The following DNMT3B variants were observed in gnomAD, a reference collection of about 807,000 sequenced individuals.
DNMT3B encodes DNA methyltransferase 3 beta, also known as DNA (cytosine-5)-methyltransferase 3B.
DNMT3B carries 37 observed loss-of-function variants against 120.2 expected under a neutral mutation model. That is an observed-to-expected ratio of 0.31 (90% CI 0.24 to 0.40). The LOEUF is 0.40. Among genes scored for constraint, DNMT3B ranks in the 10% least tolerant of loss-of-function variants. DNMT3B has a pLI of 1.00. For missense variants in DNMT3B, 878 were observed against 1,137.3 expected (o/e 0.77, Z 3.28); for synonymous variants, 412 against 442.8 (o/e 0.93, Z 0.87).
intron 4 of DNMT3B, among the ~76,000 whole-genome samples, chr20:32,785,539 ATGGTC>A (rs1979167800): frequency 6.6e-6 from 1 of 152,076 alleles, no homozygotes; most frequent in African/African-American, 2.4e-5. Flanking sequence ...GTTATTGCTT[ATGGTC>A]ACCCAGCCCT....
At chr20:32,784,720 TG>T in intron 3 of DNMT3B, 37 bp from the exon 4 acceptor site, 1 of 1,608,736 alleles carries the variant, frequency 6.2e-7, no homozygotes, top group African/African-American at 1.3e-5. Flanking sequence ...GCTGATACCC[TG>T]GGGTCTTCAT....
At chr20:32,806,161 A>T in intron 21 of DNMT3B, 48 bp from the exon 22 acceptor site, 1 of 1,568,156 alleles carries the variant, frequency 6.4e-7, no homozygotes, top group Non-Finnish European at 8.8e-7. Context: ...TTGACTCCCC[A>T]GGTCCCTTCA....
chr20:32,787,376 G>A lies in DNMT3B; in HGVS notation c.579G>A (p.Gln193=). ...GTACCCCCTACGCCCGCCTAGCCCA[G>A]GACAGCCAGCAGGGGGGCATGGAGT... ...SSSTPYARLA[Q]DSQQGGMESP... The change falls in exon 6 of 23, where the codon CAG becomes CAA. Residue 193 remains glutamine, a synonymous_variant. Transcript: ENST00000328111. The A allele has an allele frequency of 6.2e-7, 1 of 1,614,214 alleles. No homozygotes were observed.
chr20:32,782,724 G>C (rs988596668), intron 3 of DNMT3B, among the ~76,000 whole-genome samples: 6 of 121,482 alleles, frequency 4.9e-5, no homozygotes, highest in Non-Finnish European at 1.0e-4. Context: ...TAGGTATGTA[G>C]ATATAGACAA....
intron 14 of DNMT3B, 25 bp downstream of exon 14, chr20:32,797,324 G>A (rs774632997): frequency 1.2e-6 from 2 of 1,609,534 alleles, no homozygotes; most frequent in Non-Finnish European, 8.5e-7. Context: ...CTGTGGGGTG[G>A]ATGTGGGTGG....
intron 9 of DNMT3B, among the ~76,000 whole-genome samples, chr20:32,793,046 T>A (rs1980175170): frequency 6.6e-6 from 1 of 152,246 alleles, no homozygotes; most frequent in African/African-American, 2.4e-5. Context: ...GCACCTTTTT[T>A]ATTAAAGGAA....
At position 32,797,092 on chromosome 20, in the gene DNMT3B, T is replaced by C. The variant is rs754819263; in HGVS notation, c.1378-95T>C. On this transcript the variant is annotated intron_variant, in intron 13 of 22. Coordinates refer to ENST00000328111, the MANE Select transcript of DNMT3B (RefSeq NM_006892.4). Reference sequence around the variant, plus strand: ...AGGACACCAAGCCACCAGCAGTGTGTTCTGCAGCTGTATCCTAGGGCCTCC... The same window carrying C: ...AGGACACCAAGCCACCAGCAGTGTGCTCTGCAGCTGTATCCTAGGGCCTCC... 11 of 1,605,188 alleles carry C rather than the reference T, an allele frequency of 6.9e-6. No individual in the cohort carries two copies. The East Asian group carries it at 2.5e-4, about 36-fold the overall frequency.
chr20:32,771,880 T>G (rs1222693901), intron 1 of DNMT3B, among the ~76,000 whole-genome samples: 1 of 152,064 alleles, frequency 6.6e-6, no homozygotes, highest in African/African-American at 2.4e-5. Context: ...GACAGGCGAG[T>G]TATGTTTTCC....
Position 32,798,566 on chromosome 20 carries a change from C to T in DNMT3B, c.1597C>T (p.His533Tyr), listed in dbSNP as rs758963586. 1.9e-6 allele frequency: 3 copies of T among 1,614,244 alleles called. No individual in the cohort carries two copies. Among genetic ancestry groups the T allele is most frequent in the Non-Finnish European group, 8.5e-7 (1 of 1,180,050 alleles). Residue 533 changes from histidine to tyrosine, a missense_variant, in exon 15 of 23, where the codon CAT becomes TAT. By Grantham distance (83) the His-to-Tyr change is moderately conservative (BLOSUM62 2). Transcript: ENST00000328111. Reference protein sequence around the residue: ...SCYMCLPQRCHGVLRRRKDWN... With the variant: ...SCYMCLPQRCYGVLRRRKDWN... ...TTACATGTGTCTCCCGCAGCGCTGT[C>T]ATGGCGTCCTGCGGCGCCGGAAGGA...
chr20:32,804,799 C>T (rs1225362614), intron 20 of DNMT3B, among the ~76,000 whole-genome samples: 2 of 151,238 alleles, frequency 1.3e-5, no homozygotes, highest in Non-Finnish European at 2.9e-5. Context: ...TTAAGCGATC[C>T]TCCTGCTTTG....
chr20:32,774,721 TTTC>T (rs1987977599), intron 1 of DNMT3B, among the ~76,000 whole-genome samples: 1 of 151,800 alleles, frequency 6.6e-6, no homozygotes, highest in African/African-American at 2.4e-5. Flanking sequence ...TCTTGTCTTT[TTTC>T]TTTTCTATTT....
At chr20:32,802,935 T>C (rs913095190) in intron 20 of DNMT3B, among the ~76,000 whole-genome samples, 1 of 152,218 alleles carries the variant, frequency 6.6e-6, no homozygotes, top group African/African-American at 2.4e-5. Flanking sequence ...TTGATGCTCC[T>C]GCCCTTCACC....
At position 32,771,046 on chromosome 20, in the gene DNMT3B, CT is replaced by C. The variant is rs1290419805; in HGVS notation, c.-7+8356del. On this transcript the variant is annotated intron_variant, in intron 1 of 22. Coordinates refer to ENST00000328111, the MANE Select transcript of DNMT3B (RefSeq NM_006892.4). The stretch of plus-strand genomic sequence containing the variant: ...AGGCATGAGCCACTGTCCCTGGCAT[CT>C]TTTTTTTTGCTGTGAATATAACATT... Among the ~76,000 whole-genome samples the C allele has an allele frequency of 6.0e-5, 9 of 151,154 alleles. No homozygotes were observed. The East Asian group carries it at 9.7e-4, about 16-fold the overall frequency.
chr20:32,791,752 G>T lies in DNMT3B; in HGVS notation c.921+44G>T, dbSNP rs1327486203. 6 of 1,603,238 alleles carry T rather than the reference G, an allele frequency of 3.7e-6. No individual in the cohort carries two copies. The African/African-American group carries it at 6.7e-5, about 18-fold the overall frequency. Reference sequence around the variant, plus strand: ...ATGAGGGCTAAGCCCTGAGAGCAGGGATGAAGCAAGAGACCCACAGAAACC... The same window carrying T: ...ATGAGGGCTAAGCCCTGAGAGCAGGTATGAAGCAAGAGACCCACAGAAACC... On this transcript the variant is annotated intron_variant, in intron 8 of 22. Transcript: ENST00000328111.
chr20:32,773,539 C>A (rs1309828286), intron 1 of DNMT3B, among the ~76,000 whole-genome samples: 1 of 151,834 alleles, frequency 6.6e-6, no homozygotes, highest in Non-Finnish European at 1.5e-5. Flanking sequence ...TCCTTGGTAC[C>A]AACTTCCCAG....
chr20:32,763,261 A>G (rs1987084355), intron 1 of DNMT3B, among the ~76,000 whole-genome samples: 1 of 152,168 alleles, frequency 6.6e-6, no homozygotes, highest in African/African-American at 2.4e-5. Context: ...TTTAGGAAAG[A>G]GCTCGTGAGT....
intron 8 of DNMT3B, among the ~76,000 whole-genome samples, chr20:32,792,143 A>G (rs1980047885): frequency 6.6e-6 from 1 of 152,116 alleles, no homozygotes. Context: ...TTTGTTCAGC[A>G]TTTAAGAGCC....
intron 20 of DNMT3B, among the ~76,000 whole-genome samples, chr20:32,802,871 G>A (rs1051514501): frequency 1.3e-5 from 2 of 152,192 alleles, no homozygotes. Flanking sequence ...CTCATGAGCT[G>A]TGGCCAGACT....
intron 8 of DNMT3B, 109 bp downstream of exon 8, chr20:32,791,817 T>C: frequency 8.2e-7 from 1 of 1,217,032 alleles, no homozygotes; most frequent in Non-Finnish European, 1.2e-6. Flanking sequence ...GGGGACAGGG[T>C]GGCCAGGGAG....
Sources: allele counts gnomAD v4.1 joint callset (sites outside exome capture counted in the v4.1 genomes callset), GRCh38; gene constraint gnomAD v4.1.1; transcripts MANE v1.5; gene names NCBI Gene and HGNC (gene_info 2026-07-23, HGNC 2026-07-21).